Variants in MEGF11 observed in about 807,000 individuals in gnomAD.
MEGF11 encodes multiple EGF like domains 11.
MEGF11 carries 126 observed loss-of-function variants against 146.6 expected under a neutral mutation model. The observed-to-expected ratio is 0.86, with a 90% CI of 0.74 to 1.00. The LOEUF (loss-of-function observed/expected upper bound fraction) is 1.00, where lower values mean the gene tolerates loss of function less well. Ranked by LOEUF, MEGF11 falls within the 50% of genes least tolerant of loss-of-function variation. MEGF11 has a pLI of 0.00. For missense variants in MEGF11, 1,509 were observed against 1,521.2 expected, an observed-to-expected ratio of 0.99 and a Z score of 0.13; for synonymous variants, 532 against 583.4, an observed-to-expected ratio of 0.91 and a Z score of 1.27.
chr15:66,159,828 G>A (rs74344799), intron 1 of MEGF11, among the ~76,000 whole-genome samples: 4,254 of 152,148 alleles, frequency 0.028, 172 homozygotes, highest in African/African-American at 0.088. Flanking sequence ...TTCTCGAAGG[G>A]TTAATTGAGG....
chr15:66,171,275 C>T (rs138643318), intron 1 of MEGF11, among the ~76,000 whole-genome samples: 250 of 152,298 alleles, frequency 1.6e-3, no homozygotes, highest in African/African-American at 5.3e-3. Context: ...TGCTCAACCA[C>T]GGGGGCGGTC....
At chr15:66,114,666 G>T (rs1185737458) in intron 4 of MEGF11, among the ~76,000 whole-genome samples, 1 of 152,152 alleles carries the variant, frequency 6.6e-6, no homozygotes, top group African/African-American at 2.4e-5. Flanking sequence ...AGGAAGGCAG[G>T]CAGGCACTTC....
At chr15:66,107,527 C>T (rs907392657) in intron 4 of MEGF11, among the ~76,000 whole-genome samples, 17 of 152,198 alleles carry the variant, frequency 1.1e-4, no homozygotes, top group Non-Finnish European at 2.5e-4. Flanking sequence ...AGGTGGCCTC[C>T]TGGGTTCTGC....
chr15:66,061,577 G>A (rs185117573), intron 5 of MEGF11, among the ~76,000 whole-genome samples: 69 of 151,756 alleles, frequency 4.5e-4, no homozygotes, highest in Admixed American at 3.0e-3. Context: ...TGTCATCAAC[G>A]TCTGGCTGGT....
intron 10 of MEGF11, among the ~76,000 whole-genome samples, chr15:65,942,417 G>A (rs2080027471): frequency 6.6e-6 from 1 of 152,208 alleles, no homozygotes; most frequent in Admixed American, 6.5e-5. Flanking sequence ...AGTACAAAAG[G>A]TTTCAAGACT....
chr15:66,211,383 G>A (rs2091444741), intron 1 of MEGF11, among the ~76,000 whole-genome samples: 1 of 152,064 alleles, frequency 6.6e-6, no homozygotes, highest in Non-Finnish European at 1.5e-5. Context: ...AATTAGCCGA[G>A]CATGGTGGCA....
At chr15:66,230,844 T>C (rs941138886) in intron 1 of MEGF11, among the ~76,000 whole-genome samples, 1 of 152,184 alleles carries the variant, frequency 6.6e-6, no homozygotes, top group Non-Finnish European at 1.5e-5. Flanking sequence ...TTCTCACCCA[T>C]ATGTTCTAAA....
intron 10 of MEGF11, among the ~76,000 whole-genome samples, chr15:65,943,115 T>G (rs763946573): frequency 2.7e-5 from 4 of 150,410 alleles, no homozygotes; most frequent in Non-Finnish European, 5.9e-5. Flanking sequence ...GCCTCCCGAG[T>G]AGCTGGGAGG....
chr15:66,106,258 C>T (rs1309073879), intron 4 of MEGF11, among the ~76,000 whole-genome samples: 1 of 152,178 alleles, frequency 6.6e-6, no homozygotes, highest in Non-Finnish European at 1.5e-5. Context: ...AACATGCCAG[C>T]GTGCAGTTAT....
intron 5 of MEGF11, among the ~76,000 whole-genome samples, chr15:66,048,556 A>G (rs1162245243): frequency 6.6e-6 from 1 of 152,218 alleles, no homozygotes; most frequent in African/African-American, 2.4e-5. Flanking sequence ...CACCTCCCCG[A>G]CAGCTCACTG....
chr15:65,988,877 A>G (rs942980114), intron 5 of MEGF11, among the ~76,000 whole-genome samples: 3 of 152,194 alleles, frequency 2.0e-5, no homozygotes, highest in African/African-American at 7.2e-5. Flanking sequence ...GCGGGGCACA[A>G]GAAGAGCTGT....
At chr15:65,935,298 T>C (rs1489991283) in intron 10 of MEGF11, among the ~76,000 whole-genome samples, 1 of 115,856 alleles carries the variant, frequency 8.6e-6, no homozygotes, top group Non-Finnish European at 1.6e-5. Flanking sequence ...CCAGCCTGGG[T>C]GACAGAGCGA....
chr15:66,103,987 G>A (rs1186596785), intron 4 of MEGF11, among the ~76,000 whole-genome samples: 2 of 152,282 alleles, frequency 1.3e-5, no homozygotes, highest in East Asian at 1.9e-4. Flanking sequence ...TGGGTCCTTC[G>A]GCAGGTGATT....
At chr15:66,186,029 G>C (rs940385458) in intron 1 of MEGF11, among the ~76,000 whole-genome samples, 1 of 152,156 alleles carries the variant, frequency 6.6e-6, no homozygotes. Context: ...CTGGGGAGAG[G>C]TGGGGGCAGC....
At chr15:66,133,615 C>T (rs79601745) in intron 1 of MEGF11, among the ~76,000 whole-genome samples, 2,693 of 152,280 alleles carry the variant, frequency 0.018, 22 homozygotes, top group South Asian at 0.024. Flanking sequence ...CCAGCCCTCT[C>T]TATTTACTGG....
chr15:66,096,048 C>T (rs969282732), intron 4 of MEGF11, among the ~76,000 whole-genome samples: 1 of 152,136 alleles, frequency 6.6e-6, no homozygotes, highest in Non-Finnish European at 1.5e-5. Flanking sequence ...TGGGTCAGTG[C>T]CCCCAGGACA....
intron 3 of MEGF11, among the ~76,000 whole-genome samples, chr15:66,122,908 C>T (rs1331114948): frequency 6.6e-6 from 1 of 152,100 alleles, no homozygotes; most frequent in Non-Finnish European, 1.5e-5. Context: ...CTCAGCCTCC[C>T]TAGTAGCTGG....
chr15:65,940,775 C>G (rs1208560984), intron 10 of MEGF11, among the ~76,000 whole-genome samples: 1 of 152,282 alleles, frequency 6.6e-6, no homozygotes, highest in South Asian at 2.1e-4. Context: ...CTGTCTGGCT[C>G]CCATGCAGGT....
intron 1 of MEGF11, among the ~76,000 whole-genome samples, chr15:66,243,291 G>A (rs968823980): frequency 6.6e-6 from 1 of 152,204 alleles, no homozygotes; most frequent in Non-Finnish European, 1.5e-5. Context: ...TCCCAGAAAT[G>A]TCCCCTGGCG....
Sources: gnomAD v4.1 joint callset for allele counts (sites outside exome capture counted in the v4.1 genomes callset) on GRCh38, gnomAD v4.1.1 for gene constraint, MANE v1.5 for transcripts, NCBI Gene and HGNC (gene_info 2026-07-23, HGNC 2026-07-21) for gene names.